The following CDC42BPG variants were observed in gnomAD, a reference collection of about 807,000 sequenced individuals.
CDC42BPG encodes the protein serine/threonine-protein kinase MRCK gamma.
In CDC42BPG, 157 loss-of-function variants were observed where a neutral mutation model predicts 192.2. That is an observed-to-expected ratio of 0.82 (90% CI 0.72 to 0.93). CDC42BPG has a LOEUF of 0.93. Among genes scored for constraint, CDC42BPG ranks in the 40% least tolerant of loss-of-function variants. The probability of loss-of-function intolerance (pLI) is 0.00; values close to 1 mark genes in which losing one functional copy is unlikely to be tolerated. For synonymous variants in CDC42BPG, 981 were observed against 918.5 expected (o/e 1.07, Z -1.23); for missense variants, 1,992 against 2,122.1 (o/e 0.94, Z 1.20).
intron 1 of CDC42BPG, among the ~76,000 whole-genome samples, chr11:64,844,190 TGTGAGAGG>T (rs1472504644): frequency 1.3e-5 from 2 of 151,780 alleles, no homozygotes; most frequent in African/African-American, 4.8e-5. Context: ...TGTCGGGGTC[TGTGAGAGG>T]GAGAGAGCGT....
Position 64,827,717 on chromosome 11 carries a change from G to A in CDC42BPG, c.4034C>T (p.Ala1345Val). ...NSIDVFDVRR[A>V]EWVQTVPLKK... is the part of the protein sequence containing the mutation. ...GAGCGGCACGGTCTGCACCCATTCTGCCCTCCTCACGTCAAACACATCGAT... is the reference window on the plus strand; with the variant it reads ...GAGCGGCACGGTCTGCACCCATTCTACCCTCCTCACGTCAAACACATCGAT... Residue 1345 changes from alanine (A) to valine (V), a missense_variant, in exon 31 of 37, where the codon GCA becomes GTA. Coordinates refer to ENST00000342711, the MANE Select transcript of CDC42BPG (RefSeq NM_017525.3). 2 of 1,613,350 alleles carry A rather than the reference G, an allele frequency of 1.2e-6. No individual in the cohort carries two copies. Among genetic ancestry groups the A allele is most frequent in the Non-Finnish European group, 1.7e-6 (2 of 1,179,646 alleles).
At position 64,826,547 on chromosome 11, in the gene CDC42BPG, T is replaced by G; in HGVS notation, c.4522A>C (p.Lys1508Gln). 4 of 1,601,042 alleles carry G rather than the reference T, an allele frequency of 2.5e-6. 1 individual carries two copies. The South Asian group carries it at 4.5e-5, about 18-fold the overall frequency. Residue 1508 changes from lysine (K) to glutamine (Q), a missense_variant, in exon 36 of 37, where the codon AAA (lysine) becomes CAA (glutamine). Coordinates refer to ENST00000342711, the MANE Select transcript of CDC42BPG (RefSeq NM_017525.3). ...TCGCTGGACAGGGATGTCCAGGGTT[T>G]CCTCTTCACTGCTCCAGCAGCAGAC... is the stretch of plus-strand genomic sequence containing the variant. ...LGGDADPMKR[K>Q]PWTSLSSESV...
chr11:64,826,418 G>A, intron 36 of CDC42BPG, 52 bp downstream of exon 36: 1 of 1,312,554 alleles, frequency 7.6e-7, no homozygotes. Context: ...GCATAAAACG[G>A]AACTGCCTGA....
chr11:64,828,337 G>C (rs1197663693), intron 30 of CDC42BPG, among the ~76,000 whole-genome samples: 2 of 152,270 alleles, frequency 1.3e-5, no homozygotes, highest in East Asian at 3.9e-4. Flanking sequence ...CCCCTGGAGT[G>C]TGCCACCCTG....
Position 64,826,714 on chromosome 11 carries a change from T to C in CDC42BPG, c.4470A>G (p.Pro1490=). The change falls in exon 35 of 37, where the codon CCA becomes CCG. Residue 1490 remains proline (P), a synonymous_variant. Coordinates refer to ENST00000342711, the MANE Select transcript of CDC42BPG (RefSeq NM_017525.3). Reference sequence around the variant, plus strand: ...CGAGGCCTTCGCTGCCCATGGAGGCTGGGCGCCGCAACGCCTCGGAGAAGC... The same window carrying C: ...CGAGGCCTTCGCTGCCCATGGAGGCCGGGCGCCGCAACGCCTCGGAGAAGC... ...PHSFSEALRR[P]ASMGSEGLGG... is the part of the protein sequence containing the mutation. The C allele has an allele frequency of 6.4e-7, 1 of 1,554,708 alleles. No homozygotes were observed. The highest frequency in any genetic ancestry group is 2.0e-5 in the Admixed American group (1 of 50,404).
intron 1 of CDC42BPG, 109 bp downstream of exon 1, chr11:64,844,301 C>A: frequency 1.8e-6 from 2 of 1,112,018 alleles, no homozygotes; most frequent in Non-Finnish European, 2.3e-6. Flanking sequence ...AGGGAGTCTG[C>A]GAGGGAAGCC....
intron 36 of CDC42BPG, among the ~76,000 whole-genome samples, chr11:64,825,808 G>C (rs1942391664): frequency 6.6e-6 from 1 of 152,160 alleles, no homozygotes; most frequent in Admixed American, 6.5e-5. Context: ...GCTCACATCA[G>C]TAATCCCAAC....
At chr11:64,841,076 A>C (rs960008448) in intron 3 of CDC42BPG, among the ~76,000 whole-genome samples, 1 of 150,370 alleles carries the variant, frequency 6.7e-6, no homozygotes, top group African/African-American at 2.5e-5. Context: ...CCTTGCACCC[A>C]GGAGGTGGAG....
At chr11:64,827,864 A>G in intron 30 of CDC42BPG, 81 bp from the exon 31 acceptor site, 3 of 1,221,868 alleles carry the variant, frequency 2.5e-6, no homozygotes, top group Non-Finnish European at 3.4e-6. Flanking sequence ...CAGCACAGTA[A>G]CTACCATGCC....
At chr11:64,834,207 G>T in intron 20 of CDC42BPG, 59 bp downstream of exon 20, 1 of 1,502,644 alleles carries the variant, frequency 6.7e-7, no homozygotes, top group Non-Finnish European at 8.9e-7. Flanking sequence ...GAGCCCCCTT[G>T]GCAAGTGGGA....
intron 4 of CDC42BPG, 53 bp downstream of exon 4, chr11:64,840,500 C>T: frequency 2.6e-6 from 4 of 1,565,004 alleles, no homozygotes; most frequent in African/African-American, 2.7e-5. Flanking sequence ...GCCCCAAGGG[C>T]CCTCTCCTGT....
Position 64,834,593 on chromosome 11 carries a change from C to A in CDC42BPG, c.2176-16G>T. On this transcript the variant is annotated splice_polypyrimidine_tract_variant and intron_variant, in intron 18 of 36. Coordinates refer to ENST00000342711, the MANE Select transcript of CDC42BPG (RefSeq NM_017525.3). ...ACTGGTGGTCCTGGTGGCCACGGAG[C>A]ACCCGTATAAGATGCTTTCTAGGCC... The A allele has an allele frequency of 6.5e-7, 1 of 1,541,248 alleles. No individual in the cohort carries two copies. Among genetic ancestry groups the A allele is most frequent in the Non-Finnish European group, 8.8e-7 (1 of 1,141,292 alleles).
Position 64,835,167 on chromosome 11 carries a change from G to A in CDC42BPG, c.1954-14C>T. The A allele has an allele frequency of 6.2e-7, 1 of 1,602,092 alleles. No individual in the cohort carries two copies. Among genetic ancestry groups the A allele is most frequent in the Non-Finnish European group, 8.5e-7 (1 of 1,179,806 alleles). Reference sequence around the variant, plus strand: ...CTCTGCTTCTAGCTGGGGCCGGCCAGAGGAAAGGTCAGCCCCAGGCCCCAG... The same window carrying A: ...CTCTGCTTCTAGCTGGGGCCGGCCAAAGGAAAGGTCAGCCCCAGGCCCCAG... On this transcript the variant is annotated splice_polypyrimidine_tract_variant and intron_variant, in intron 16 of 36. Transcript: ENST00000342711.
At chr11:64,830,788 G>C (rs974243159) in intron 28 of CDC42BPG, among the ~76,000 whole-genome samples, 1 of 152,206 alleles carries the variant, frequency 6.6e-6, no homozygotes, top group African/African-American at 2.4e-5. Context: ...CAGGTTCAAG[G>C]CTGAGCACAA....
In CDC42BPG at chr11:64,836,705, C is replaced by CCGGGGGGG. The variant is rs1192864769; in HGVS notation, c.1384+33_1384+34insCCCCCCCG. 5.8e-3 allele frequency: 2,013 copies of CCGGGGGGG among 348,020 alleles called. 637 individuals carry two copies. Among genetic ancestry groups the CCGGGGGGG allele is most frequent in the South Asian group, 0.011 (309 of 29,222 alleles). 21.6% of individuals were successfully genotyped at this position (348,020 alleles called of 1,614,324 possible). On this transcript the variant is annotated intron_variant, in intron 11 of 36. Coordinates refer to ENST00000342711, the MANE Select transcript of CDC42BPG (RefSeq NM_017525.3). Reference sequence around the variant, plus strand: ...ACCCGAGCCCAGGTGGGACTCAGCCCTGGGGGGGGGGGGGGGGTGGGCGGA... The same window carrying CCGGGGGGG: ...ACCCGAGCCCAGGTGGGACTCAGCCCCGGGGGGGTGGGGGGGGGGGGGGGGTGGGCGGA...
At position 64,827,339 on chromosome 11, in the gene CDC42BPG, T is replaced by G; in HGVS notation, c.4210A>C (p.Thr1404Pro). The change falls in exon 33 of 37, where the codon ACC becomes CCC. Residue 1404 changes from threonine to proline, a missense_variant. Coordinates refer to ENST00000342711, the MANE Select transcript of CDC42BPG (RefSeq NM_017525.3). ...AAAAAGAAGCGGCGCTTGCTCTTGGTGCGGAACAGCTGGCGCCGGCTGTTG... is the reference window on the plus strand; with the variant it reads ...AAAAAGAAGCGGCGCTTGCTCTTGGGGCGGAACAGCTGGCGCCGGCTGTTG... The part of the protein sequence containing the change: ...TDNSRRQLFR[T>P]KSKRRFFFRV... The G allele has an allele frequency of 6.2e-7, 1 of 1,614,056 alleles. No individual in the cohort carries two copies.
chr11:64,843,897 G>T (rs1266965993), intron 1 of CDC42BPG, among the ~76,000 whole-genome samples: 1 of 152,214 alleles, frequency 6.6e-6, no homozygotes, highest in African/African-American at 2.4e-5. Flanking sequence ...GGGAAGGTCT[G>T]CAAGTGTGCG....
chr11:64,833,383 C>A, intron 23 of CDC42BPG, 47 bp from the exon 24 acceptor site: 1 of 1,119,906 alleles, frequency 8.9e-7, no homozygotes, highest in South Asian at 1.5e-5. Flanking sequence ...GGGCCCCATG[C>A]CCCATCCCTG....
chr11:64,836,707 G>C (rs770303361), intron 11 of CDC42BPG, 32 bp downstream of exon 11: 10,396 of 592,912 alleles, frequency 0.018, 811 homozygotes, highest in African/African-American at 0.098. Context: ...ACTCAGCCCT[G>C]GGGGGGGGGG....
Sources: gnomAD v4.1 joint callset for allele counts (sites outside exome capture counted in the v4.1 genomes callset) on GRCh38, gnomAD v4.1.1 for gene constraint, MANE v1.5 for transcripts, NCBI Gene and HGNC (gene_info 2026-07-23, HGNC 2026-07-21) for gene names.